The following MADD variants were observed in gnomAD, a reference collection of about 807,000 sequenced individuals.
MADD encodes the protein MAP kinase-activating death domain protein.
Under a neutral mutation model 176.7 loss-of-function variants are expected in MADD, and 109 were observed. The ratio of observed to expected loss-of-function variants is 0.62; its 90% CI spans 0.53 to 0.72. The LOEUF (loss-of-function observed/expected upper bound fraction) is 0.72, where lower values mean the gene tolerates loss of function less well. Among genes scored for constraint, MADD ranks in the 30% least tolerant of loss-of-function variants. The pLI is 0.00. For missense variants in MADD, 1,914 were observed against 2,045.5 expected, an observed-to-expected ratio of 0.94 and a Z score of 1.24; for synonymous variants, 771 against 771.3, an observed-to-expected ratio of 1.00 and a Z score of 0.01.
intron 27 of MADD, among the ~76,000 whole-genome samples, chr11:47,322,729 T>C (rs940774039): frequency 6.6e-6 from 1 of 152,258 alleles, no homozygotes; most frequent in Admixed American, 6.5e-5. Context: ...TAAGCATTGT[T>C]CATGTGTCAC....
At chr11:47,274,096 C>A in intron 2 of MADD, 120 bp downstream of exon 2, 2 of 943,494 alleles carry the variant, frequency 2.1e-6, no homozygotes, top group South Asian at 1.5e-5. Flanking sequence ...TTATTTTACC[C>A]TGATGGGAGC....
chr11:47,274,849 C>G (rs140505071), exon 3 of MADD: 1 of 1,614,166 alleles, frequency 6.2e-7, no homozygotes, highest in South Asian at 1.1e-5. Context: ...GGCAGGGTCC[C>G]GTGGGAAGGA....
chr11:47,328,649 C>T lies in MADD; in HGVS notation c.4613-9C>T, dbSNP rs779439525. ...CTTTCTGTTTTGTCTCTTGCCCGTC[C>T]GGTTTTAGTTCCTGAAATTAAAGAA... On this transcript the variant is annotated splice_polypyrimidine_tract_variant and intron_variant, in intron 31 of 32. Transcript: ENST00000402192. The T allele has an allele frequency of 8.1e-6, 13 of 1,614,196 alleles. No homozygotes were observed. The highest frequency in any genetic ancestry group is 4.5e-5 in the East Asian group (2 of 44,874).
At chr11:47,284,706 A>C in intron 12 of MADD, 141 bp downstream of exon 12, 2 of 1,261,334 alleles carry the variant, frequency 1.6e-6, no homozygotes, top group Non-Finnish European at 2.1e-6. Context: ...TAGAGCTTAG[A>C]GCCTAAGAGA....
At chr11:47,285,359 G>A (rs1211019440) in intron 13 of MADD, 92 bp from the exon 14 acceptor site, 4 of 1,572,022 alleles carry the variant, frequency 2.5e-6, no homozygotes, top group South Asian at 2.3e-5. Flanking sequence ...TACGGGAAGG[G>A]AGTGGCAACT....
At chr11:47,275,734 G>A (rs2049150180) in intron 3 of MADD, among the ~76,000 whole-genome samples, 165 bp from the exon 4 acceptor site, 1 of 152,214 alleles carries the variant, frequency 6.6e-6, no homozygotes, top group Non-Finnish European at 1.5e-5. Context: ...ATTTGCTTTT[G>A]CCATTGTATA....
chr11:47,313,162 G>A (rs573839035), intron 26 of MADD, among the ~76,000 whole-genome samples: 17 of 152,316 alleles, frequency 1.1e-4, no homozygotes, highest in African/African-American at 4.1e-4. Flanking sequence ...GCAGAGTTTT[G>A]AACTTGAAGC....
At chr11:47,281,279 G>A (rs180886042) in intron 7 of MADD, among the ~76,000 whole-genome samples, 7 of 152,328 alleles carry the variant, frequency 4.6e-5, no homozygotes, top group Admixed American at 4.6e-4. Flanking sequence ...TTTTGCAAAC[G>A]ACTGTCGTGG....
Position 47,282,367 on chromosome 11 carries a change from A to G in MADD, c.1470-14A>G, listed in dbSNP as rs2057609398. The G allele has an allele frequency of 1.9e-6, 3 of 1,610,824 alleles. No individual in the cohort carries two copies. Among genetic ancestry groups the G allele is most frequent in the African/African-American group, 1.3e-5 (1 of 74,960 alleles). On this transcript the variant is annotated splice_polypyrimidine_tract_variant and intron_variant, in intron 8 of 32. Coordinates refer to ENST00000402192, the Ensembl canonical transcript of MADD. ...CCTATGGGTCTCAGATTATCTCATC[A>G]TCTGCTTCCCCAGGGTTGCCATGGT... is the stretch of plus-strand genomic sequence containing the variant.
At chr11:47,285,343 A>G in intron 13 of MADD, 108 bp from the exon 14 acceptor site, 1 of 1,558,892 alleles carries the variant, frequency 6.4e-7, no homozygotes, top group South Asian at 1.2e-5. Flanking sequence ...CCAGGGGCTT[A>G]GGAATTACGG....
chr11:47,283,373 G>A (rs929212744), intron 10 of MADD, among the ~76,000 whole-genome samples: 3 of 152,060 alleles, frequency 2.0e-5, no homozygotes, highest in African/African-American at 4.8e-5. Context: ...GAATACAGGC[G>A]TGAGCCACCG....
chr11:47,324,207 G>A, intron 28 of MADD, 58 bp from the exon 32 acceptor site: 1 of 1,511,760 alleles, frequency 6.6e-7, no homozygotes, highest in Non-Finnish European at 9.2e-7. Context: ...TTATAGAGCA[G>A]TGGGTGGGGA....
At chr11:47,273,120 C>A (rs2046326431) in intron 1 of MADD, among the ~76,000 whole-genome samples, 1 of 152,188 alleles carries the variant, frequency 6.6e-6, no homozygotes, top group Non-Finnish European at 1.5e-5. Context: ...AATTAAGTTT[C>A]CATCTAGACC....
chr11:47,286,462 T>A, exon 15 of MADD: 1 of 1,614,122 alleles, frequency 6.2e-7, no homozygotes, highest in Non-Finnish European at 8.5e-7. Flanking sequence ...CAGTACCAGC[T>A]TCAGTCTTTC....
chr11:47,315,151 G>A (rs2092356922), intron 26 of MADD, 69 bp from the exon 30 acceptor site: 2 of 864,532 alleles, frequency 2.3e-6, no homozygotes, highest in Non-Finnish European at 3.9e-6. Flanking sequence ...TTGCTGGATG[G>A]GGAATTCTTG....
chr11:47,301,028 CTTTT>C (rs796793022), intron 22 of MADD, among the ~76,000 whole-genome samples: 1 of 111,632 alleles, frequency 9.0e-6, no homozygotes, highest in Non-Finnish European at 2.0e-5. Flanking sequence ...CACTCTCTCT[CTTTT>C]TTTTTTTTTG....
At chr11:47,275,058 C>T (rs775717995) in exon 3 of MADD, 2 of 1,614,278 alleles carry the variant, frequency 1.2e-6, no homozygotes, top group Admixed American at 1.7e-5. Flanking sequence ...ACCCTTTCTT[C>T]TCCACCTTCC....
chr11:47,279,520 A>G (rs1018034643), intron 7 of MADD, among the ~76,000 whole-genome samples: 24 of 151,064 alleles, frequency 1.6e-4, no homozygotes, highest in African/African-American at 4.6e-4. Flanking sequence ...CTGGGACTAT[A>G]GGCGCACGCC....
chr11:47,312,159 A>G (rs563511614), intron 26 of MADD, among the ~76,000 whole-genome samples: 3 of 152,358 alleles, frequency 2.0e-5, no homozygotes, highest in African/African-American at 7.2e-5. Context: ...AACTGCTGGC[A>G]CTGTAACCCA....
Sources: gnomAD v4.1 joint callset for allele counts (sites outside exome capture counted in the v4.1 genomes callset) on GRCh38, gnomAD v4.1.1 for gene constraint, MANE v1.5 for transcripts, NCBI Gene and HGNC (gene_info 2026-07-23, HGNC 2026-07-21) for gene names.